JCAD: variants seen among roughly 807,000 people sequenced by gnomAD.
The protein encoded by JCAD is junctional cadherin 5-associated protein.
Under a neutral mutation model 98.0 loss-of-function variants are expected in JCAD, and 40 were observed. The ratio of observed to expected loss-of-function variants is 0.41; its 90% CI spans 0.32 to 0.53. The LOEUF (loss-of-function observed/expected upper bound fraction) is 0.53, where lower values mean the gene tolerates loss of function less well. Ranked by LOEUF, JCAD falls within the 20% of genes least tolerant of loss-of-function variation. JCAD has a pLI of 0.31. For missense variants in JCAD, 1,705 were observed against 1,738.1 expected (o/e 0.98, Z 0.34); for synonymous variants, 691 against 682.3 (o/e 1.01, Z -0.20).
chr10:30,054,362 T>A (rs1002343247), intron 1 of JCAD, among the ~76,000 whole-genome samples: 4 of 152,152 alleles, frequency 2.6e-5, no homozygotes, highest in South Asian at 4.1e-4. Context: ...TGTCATGAAA[T>A]GTATTAGGTC....
intron 1 of JCAD, among the ~76,000 whole-genome samples, chr10:30,088,697 G>A (rs1838206808): frequency 6.6e-6 from 1 of 152,182 alleles, no homozygotes; most frequent in Non-Finnish European, 1.5e-5. Context: ...GCTGGGCACG[G>A]TGGCTCACAC....
chr10:30,086,114 T>G (rs1838162957), intron 1 of JCAD, among the ~76,000 whole-genome samples: 1 of 151,934 alleles, frequency 6.6e-6, no homozygotes, highest in Non-Finnish European at 1.5e-5. Context: ...TAAAATTAAA[T>G]TTAAAACAAT....
At chr10:30,092,127 A>ATATATATATAT (rs1589715617) in intron 1 of JCAD, among the ~76,000 whole-genome samples, 4 of 80,902 alleles carry the variant, frequency 4.9e-5, no homozygotes, top group Non-Finnish European at 4.2e-5. Context: ...TATATATATA[A>ATATATATATAT]AAAACATTTT....
At chr10:30,083,395 A>G (rs1838118354) in intron 1 of JCAD, among the ~76,000 whole-genome samples, 1 of 152,216 alleles carries the variant, frequency 6.6e-6, no homozygotes, top group African/African-American at 2.4e-5. Flanking sequence ...ATAGTCACTC[A>G]TGTCAGATTT....
chr10:30,031,824 G>A (rs546848209), intron 2 of JCAD, among the ~76,000 whole-genome samples: 2 of 134,702 alleles, frequency 1.5e-5, no homozygotes, highest in South Asian at 2.4e-4. Flanking sequence ...GTGGGATCTC[G>A]GCTCACTGCA....
intron 1 of JCAD, among the ~76,000 whole-genome samples, chr10:30,053,496 C>T (rs1837509201): frequency 6.7e-6 from 1 of 149,470 alleles, no homozygotes. Flanking sequence ...GAGGTGGAAA[C>T]TGCAGTGAGC....
intron 2 of JCAD, among the ~76,000 whole-genome samples, chr10:30,046,660 G>A (rs1392379943): frequency 1.3e-5 from 2 of 152,210 alleles, no homozygotes; most frequent in Admixed American, 6.5e-5. Context: ...GAGATTACAA[G>A]GGAACCAAGA....
Position 30,028,559 on chromosome 10 carries a change from C to T in JCAD, c.1589G>A (p.Arg530Lys). 6.2e-7 allele frequency: 1 copy of T among 1,614,240 alleles called. No individual in the cohort carries two copies. The highest frequency in any genetic ancestry group is 1.7e-5 in the Admixed American group (1 of 60,036). The part of the protein sequence containing the change: ...CVARGQWPDV[R>K]GSQHGHTGRQ... The stretch of plus-strand genomic sequence containing the variant: ...TCCAGTGTGCCCGTGCTGGCTGCCT[C>T]TCACATCAGGCCACTGTCCCCTTGC... Residue 530 changes from arginine to lysine, a missense_variant, in exon 3 of 4, where the codon AGA becomes AAA. By Grantham distance (26) the Arg-to-Lys change is conservative. This residue lies in a region of JCAD where 1,278 missense variants were observed against 1,243.1 expected (regional missense o/e 1.03). Coordinates refer to ENST00000375377, the MANE Select transcript of JCAD (RefSeq NM_020848.4).
chr10:30,101,907 G>T (rs573743387), intron 1 of JCAD, among the ~76,000 whole-genome samples: 1 of 152,282 alleles, frequency 6.6e-6, no homozygotes, highest in South Asian at 2.1e-4. Context: ...GTACAGTGTT[G>T]CAATGAAGAA....
upstream of JCAD, among the ~76,000 whole-genome samples, chr10:30,060,946 C>A (rs994238820): frequency 6.6e-6 from 1 of 152,170 alleles, no homozygotes; most frequent in African/African-American, 2.4e-5. Flanking sequence ...GCTAAACACA[C>A]TATTGCTGGA....
In JCAD at chr10:30,029,418, T is replaced by G; in HGVS notation, c.730A>C (p.Thr244Pro). 6.2e-7 allele frequency: 1 copy of G among 1,614,064 alleles called. No individual in the cohort carries two copies. The highest frequency in any genetic ancestry group is 8.5e-7 in the Non-Finnish European group (1 of 1,180,022). ...TCATTTAATGGAATGGGAATTTCCG[T>G]GCAACTCAGGCTCTCGGGGGAAAGA... ...RVLSPESLSC[T>P]EIPIPLNERH... is the part of the protein sequence containing the mutation. Residue 244 changes from threonine (T) to proline (P), a missense_variant, in exon 3 of 4, where the codon ACG (threonine) becomes CCG (proline). Thr to Pro is a conservative substitution (Grantham distance 38). This residue lies in a region of JCAD where 275 missense variants were observed against 346.9 expected (regional missense o/e 0.79). Coordinates refer to ENST00000375377, the MANE Select transcript of JCAD (RefSeq NM_020848.4).
intron 1 of JCAD, among the ~76,000 whole-genome samples, chr10:30,072,661 T>TA (rs1395736167): frequency 1.3e-5 from 2 of 151,842 alleles, no homozygotes; most frequent in Non-Finnish European, 2.9e-5. Context: ...ACAATTTCTT[T>TA]TTTTTTTTTG....
chr10:30,101,274 T>C (rs1838467312), intron 1 of JCAD, among the ~76,000 whole-genome samples: 1 of 151,056 alleles, frequency 6.6e-6, no homozygotes, highest in African/African-American at 2.4e-5. Context: ...CTGGGCGTGG[T>C]GGCCCATTCC....
chr10:30,029,221 G>A lies in JCAD; in HGVS notation c.927C>T (p.Asp309=), dbSNP rs1193598763. The change falls in exon 3 of 4, where the codon GAC becomes GAT. Residue 309 remains aspartate (D), a synonymous_variant. Transcript: ENST00000375377. ...SSHQQSRGGA[D]SSDSQDSQQM... ...GCTGGCTGTCCTGAGAGTCACTGCT[G>A]TCCGCTCCTCCCCTAGACTGCTGGT... is the stretch of plus-strand genomic sequence containing the variant. 22 of 1,614,184 alleles carry A rather than the reference G, an allele frequency of 1.4e-5. No homozygotes were observed. In the East Asian group the frequency reaches 4.9e-4, roughly 36 times the overall value.
At chr10:30,087,180 C>T (rs745671194) in intron 1 of JCAD, among the ~76,000 whole-genome samples, 2 of 152,174 alleles carry the variant, frequency 1.3e-5, no homozygotes, top group African/African-American at 4.8e-5. Flanking sequence ...CGGTAGCTCA[C>T]GCCTGTAATC....
intron 1 of JCAD, among the ~76,000 whole-genome samples, chr10:30,114,824 C>T (rs1033826181): frequency 1.3e-4 from 9 of 67,662 alleles, no homozygotes; most frequent in Non-Finnish European, 1.9e-4. Flanking sequence ...ATTTTAAAGC[C>T]GAATAGATAG....
intron 1 of JCAD, among the ~76,000 whole-genome samples, chr10:30,109,785 T>C (rs1463314750): frequency 6.6e-6 from 1 of 152,186 alleles, no homozygotes; most frequent in Non-Finnish European, 1.5e-5. Flanking sequence ...TCTTGATATA[T>C]GGGCCCCTTG....
intron 2 of JCAD, among the ~76,000 whole-genome samples, chr10:30,041,736 A>G (rs1353852434): frequency 6.6e-6 from 1 of 152,240 alleles, no homozygotes; most frequent in South Asian, 2.1e-4. Context: ...AGAAGAGCCA[A>G]TTATGGTATA....
At chr10:30,094,356 G>A (rs932305334) in intron 1 of JCAD, among the ~76,000 whole-genome samples, 1 of 152,094 alleles carries the variant, frequency 6.6e-6, no homozygotes, top group Non-Finnish European at 1.5e-5. Flanking sequence ...GGCTGAGGCA[G>A]GAAAATCCCA....
Sources: gnomAD v4.1 joint callset for allele counts (sites outside exome capture counted in the v4.1 genomes callset) on GRCh38, gnomAD v4.1.1 for gene constraint, gnomAD v4.1.1 regional missense constraint, MANE v1.5 for transcripts, NCBI Gene and HGNC (gene_info 2026-07-23, HGNC 2026-07-21) for gene names.